NDUFA10: variants seen among roughly 807,000 people sequenced by gnomAD.
The protein encoded by NDUFA10 is NADH:ubiquinone oxidoreductase subunit A10.
In NDUFA10, 40 loss-of-function variants were observed where a neutral mutation model predicts 47.8. The ratio of observed to expected loss-of-function variants is 0.84; its 90% CI spans 0.65 to 1.09. NDUFA10 has a LOEUF of 1.09. Among genes scored for constraint, NDUFA10 ranks in the 50% least tolerant of loss-of-function variants. NDUFA10 has a pLI of 0.00. For missense variants in NDUFA10, 413 were observed against 451.1 expected, an observed-to-expected ratio of 0.92 and a Z score of 0.76; for synonymous variants, 183 against 172.2, an observed-to-expected ratio of 1.06 and a Z score of -0.49.
At chr2:239,970,265 G>GA (rs374431047) in intron 9 of NDUFA10, among the ~76,000 whole-genome samples, 22 of 150,356 alleles carry the variant, frequency 1.5e-4, no homozygotes, top group African/African-American at 2.2e-4. Flanking sequence ...TGTTGGAGGG[G>GA]AAAAAAAAAC....
chr2:239,918,718 C>T (rs1693918519), intron 4 of NDUFA10, among the ~76,000 whole-genome samples: 1 of 152,210 alleles, frequency 6.6e-6, no homozygotes, highest in Non-Finnish European at 1.5e-5. Flanking sequence ...GGTGCCTCAT[C>T]CTCACAGAAC....
At chr2:239,999,014 T>C (rs1241290593) in intron 8 of NDUFA10, among the ~76,000 whole-genome samples, 1 of 152,162 alleles carries the variant, frequency 6.6e-6, no homozygotes, top group Non-Finnish European at 1.5e-5. Context: ...AAGGACCACA[T>C]GGAGCTGAGC....
Position 239,931,684 on chromosome 2 carries a change from G to C in NDUFA10, c.295-36370C>G, listed in dbSNP as rs1364121658. Among the ~76,000 whole-genome samples, 10 of 152,350 alleles carry C rather than the reference G, an allele frequency of 6.6e-5. No individual in the cohort carries two copies. In the South Asian group the frequency reaches 1.2e-3, roughly 19 times the overall value. On this transcript the variant is annotated intron_variant, in intron 4 of 5. Coordinates refer to the NDUFA10 transcript ENST00000419408. ...AATACAAGCTCAGCAAGATGAGAAG[G>C]CTGGCCCACAGGCCATAGCGGCCCC... is the stretch of plus-strand genomic sequence containing the variant.
At chr2:239,983,572 A>T in intron 9 of NDUFA10, 1 of 1,597,680 alleles carries the variant, frequency 6.3e-7, no homozygotes, top group Non-Finnish European at 8.5e-7. Flanking sequence ...AAAGAGGAAG[A>T]GCAGCTTCCA....
intron 5 of NDUFA10, chr2:240,012,750 G>A (rs1474190236): frequency 6.6e-6 from 1 of 152,202 alleles, no homozygotes; most frequent in Non-Finnish European, 1.5e-5. Flanking sequence ...ACGGGGCACA[G>A]GGAAAGGATG....
chr2:239,985,474 C>CA (rs879441423), intron 9 of NDUFA10, among the ~76,000 whole-genome samples: 300 of 120,474 alleles, frequency 2.5e-3, no homozygotes, highest in African/African-American at 3.5e-3. Flanking sequence ...GATGCACACT[C>CA]AAAAAAAAAA....
At chr2:239,989,605 TAAG>T (rs759793543) in intron 9 of NDUFA10, among the ~76,000 whole-genome samples, 42 of 152,332 alleles carry the variant, frequency 2.8e-4, no homozygotes, top group East Asian at 2.1e-3. Flanking sequence ...GGCAATTGGA[TAAG>T]AAGATCAATG....
At chr2:240,014,622 G>T in intron 5 of NDUFA10, 117 bp downstream of exon 5, 6 of 1,467,272 alleles carry the variant, frequency 4.1e-6, no homozygotes, top group Non-Finnish European at 5.7e-6. Flanking sequence ...CAGGGTGTGT[G>T]TCACCCTCCT....
chr2:239,924,091 G>A (rs1694032971), intron 4 of NDUFA10, among the ~76,000 whole-genome samples: 1 of 152,094 alleles, frequency 6.6e-6, no homozygotes, highest in Non-Finnish European at 1.5e-5. Context: ...CCATGCCCAG[G>A]TGGTATCAGT....
chr2:239,979,827 C>A (rs913377893), intron 9 of NDUFA10, among the ~76,000 whole-genome samples: 1 of 152,128 alleles, frequency 6.6e-6, no homozygotes, highest in Non-Finnish European at 1.5e-5. Flanking sequence ...GTGGCAGCTG[C>A]GGACCCCGGC....
intron 4 of NDUFA10, among the ~76,000 whole-genome samples, chr2:239,918,981 AG>A (rs1204198522): frequency 5.3e-5 from 8 of 152,224 alleles, no homozygotes; most frequent in African/African-American, 1.9e-4. Context: ...GCAGGGACAC[AG>A]TAACCGGCTG....
chr2:240,000,173 C>T (rs942476890), intron 8 of NDUFA10, among the ~76,000 whole-genome samples: 5 of 152,220 alleles, frequency 3.3e-5, no homozygotes, highest in African/African-American at 1.2e-4. Flanking sequence ...TTTTAGAGTA[C>T]TCATCTTACT....
At chr2:239,954,547 T>C (rs563456855), downstream of NDUFA10, among the ~76,000 whole-genome samples, 10 of 152,316 alleles carry the variant, frequency 6.6e-5, no homozygotes, top group Admixed American at 6.5e-4. Flanking sequence ...AAAGCATGCC[T>C]TAAGGAGGGC....
downstream of NDUFA10, among the ~76,000 whole-genome samples, chr2:239,953,380 G>A (rs1035286652): frequency 1.3e-5 from 2 of 152,212 alleles, no homozygotes; most frequent in African/African-American, 4.8e-5. Context: ...CTGGCCTCCA[G>A]AACTTAGGAT....
intron 4 of NDUFA10, among the ~76,000 whole-genome samples, chr2:239,915,862 C>T (rs530612849): frequency 6.6e-6 from 1 of 151,278 alleles, no homozygotes; most frequent in East Asian, 1.9e-4. Context: ...CACAGGCACA[C>T]ACAAATATAC....
At chr2:239,930,831 G>A (rs1044425355) in intron 4 of NDUFA10, among the ~76,000 whole-genome samples, 1 of 143,080 alleles carries the variant, frequency 7.0e-6, no homozygotes, top group African/African-American at 2.7e-5. Context: ...TCAGGAGGCC[G>A]CAGGGTCCTG....
Position 239,960,202 on chromosome 2 carries a change from T to A in NDUFA10, c.*916A>T, listed in dbSNP as rs1188275717. On this transcript the variant is annotated 3_prime_UTR_variant, in exon 10 of 10. Transcript: ENST00000252711. ...TAATGGACACAGTGGAGCTTTACAG[T>A]GGAAAACCCACAGTTCAGTAGGACT... 1.0e-6 allele frequency: 1 copy of A among 983,596 alleles called. No individual in the cohort carries two copies. Among genetic ancestry groups the A allele is most frequent in the Non-Finnish European group, 1.2e-6 (1 of 829,876 alleles). 60.9% of individuals were successfully genotyped at this position (983,596 alleles called of 1,614,324 possible). A position where few individuals can be genotyped will look rare whatever the true frequency, so the allele number is the denominator to read the frequency against.
intron 4 of NDUFA10, among the ~76,000 whole-genome samples, chr2:239,918,726 A>G (rs923231333): frequency 6.6e-6 from 1 of 152,160 alleles, no homozygotes; most frequent in African/African-American, 2.4e-5. Context: ...ATCCTCACAG[A>G]ACAAAGATGG....
intron 8 of NDUFA10, among the ~76,000 whole-genome samples, chr2:240,004,901 T>C (rs1218373544): frequency 6.6e-6 from 1 of 152,236 alleles, no homozygotes. Context: ...TCTATTTGTT[T>C]ACTCTGTCTC....
Sources: gnomAD v4.1 joint callset for allele counts (sites outside exome capture counted in the v4.1 genomes callset) on GRCh38, gnomAD v4.1.1 for gene constraint, MANE v1.5 for transcripts, NCBI Gene and HGNC (gene_info 2026-07-23, HGNC 2026-07-21) for gene names.